The following MORC1 variants were observed in gnomAD, a reference collection of about 807,000 sequenced individuals.
MORC1 encodes the protein MORC family CW-type zinc finger protein 1.
In MORC1, 59 loss-of-function variants were observed where a neutral mutation model predicts 134.9. That is an observed-to-expected ratio of 0.44 (90% CI 0.35 to 0.54). The LOEUF (loss-of-function observed/expected upper bound fraction) is 0.54, where lower values mean the gene tolerates loss of function less well. MORC1 is among the 20% of genes least tolerant of loss of function. MORC1 has a pLI of 0.00. For missense variants in MORC1, 947 were observed against 1,134.5 expected, an observed-to-expected ratio of 0.83 and a Z score of 2.37; for synonymous variants, 395 against 391.7, an observed-to-expected ratio of 1.01 and a Z score of -0.10.
intron 21 of MORC1, 133 bp downstream of exon 21, chr3:109,000,424 G>A: frequency 1.6e-6 from 1 of 639,828 alleles, no homozygotes; most frequent in Non-Finnish European, 2.5e-6. Context: ...AAACTTTTCT[G>A]AGTCTTATTT....
Position 109,057,368 on chromosome 3 carries a change from C to G in MORC1, c.1150G>C (p.Gly384Arg). 2 of 1,610,024 alleles carry G rather than the reference C, an allele frequency of 1.2e-6. No homozygotes were observed. Among genetic ancestry groups the G allele is most frequent in the Non-Finnish European group, 1.7e-6 (2 of 1,178,360 alleles). ...NRLIKMHEKV[G>R]SQLKLKSLLG... ...AAGGACTTCAGTTTCAACTGTGAGC[C>G]CACTTTTTCATGCATTTTGATCAAA... The change falls in exon 13 of 28, where the codon GGC becomes CGC. Residue 384 changes from glycine (G) to arginine (R), a missense_variant. Transcript: ENST00000232603.
intron 8 of MORC1, among the ~76,000 whole-genome samples, chr3:109,093,197 T>C (rs1293996034): frequency 6.6e-6 from 1 of 152,156 alleles, no homozygotes; most frequent in East Asian, 1.9e-4. Flanking sequence ...ATCTGGACAT[T>C]CTGACTCAGC....
intron 14 of MORC1, among the ~76,000 whole-genome samples, chr3:109,038,487 G>A (rs1345476867): frequency 2.6e-5 from 4 of 152,014 alleles, no homozygotes; most frequent in Non-Finnish European, 5.9e-5. Flanking sequence ...ATTGCTTTTT[G>A]TGTTTTAGTC....
chr3:108,990,944 C>T (rs1453394685), intron 21 of MORC1, among the ~76,000 whole-genome samples: 2 of 150,770 alleles, frequency 1.3e-5, no homozygotes, highest in African/African-American at 4.9e-5. Flanking sequence ...TATTATTTTT[C>T]TTCACAGAAT....
intron 14 of MORC1, among the ~76,000 whole-genome samples, chr3:109,044,157 A>T (rs1193919997): frequency 6.6e-6 from 1 of 152,220 alleles, no homozygotes; most frequent in Non-Finnish European, 1.5e-5. Context: ...AGTATCTGTG[A>T]GAAAAAAACT....
intron 8 of MORC1, among the ~76,000 whole-genome samples, chr3:109,078,430 A>G (rs1348386351): frequency 6.6e-6 from 1 of 152,062 alleles, no homozygotes; most frequent in Admixed American, 6.5e-5. Flanking sequence ...AGTAGATTTA[A>G]AACATTTTTA....
rs562519333 is a variant in MORC1 at position 108,984,095 on chromosome 3, C to T, written c.2324+621G>A. Among the ~76,000 whole-genome samples the T allele has an allele frequency of 2.0e-5, 3 of 152,058 alleles. No individual in the cohort carries two copies. The South Asian group carries it at 6.2e-4, about 32-fold the overall frequency. ...TGTCAGCAAGTGCAGGAAAATAGCC[C>T]CTCTCTGTTTTTTCTTGCTCTTAAT... On this transcript the variant is annotated intron_variant, in intron 23 of 27. Coordinates refer to ENST00000232603, the MANE Select transcript of MORC1 (RefSeq NM_014429.4).
intron 21 of MORC1, among the ~76,000 whole-genome samples, chr3:109,000,005 G>C (rs1324658777): frequency 1.3e-5 from 2 of 152,114 alleles, no homozygotes; most frequent in African/African-American, 4.8e-5. Context: ...ACTTGGTTCA[G>C]TGAAGGCAAA....
At chr3:109,091,359 G>C (rs1037459373) in intron 8 of MORC1, among the ~76,000 whole-genome samples, 1 of 151,716 alleles carries the variant, frequency 6.6e-6, no homozygotes, top group African/African-American at 2.4e-5. Context: ...GATGAGAATC[G>C]CTTGAACCCA....
At chr3:109,015,217 A>C (rs1304918085) in intron 17 of MORC1, among the ~76,000 whole-genome samples, 2 of 152,152 alleles carry the variant, frequency 1.3e-5, no homozygotes, top group Non-Finnish European at 2.9e-5. Flanking sequence ...TACAGAAGCA[A>C]GAACAGACAT....
intron 19 of MORC1, 85 bp from the exon 20 acceptor site, chr3:109,004,973 TA>T: frequency 6.4e-7 from 1 of 1,571,574 alleles, no homozygotes; most frequent in Non-Finnish European, 8.6e-7. Context: ...ATTTTATAAT[TA>T]AAGTGTCTTA....
chr3:109,008,245 G>A (rs1001086014), intron 17 of MORC1, among the ~76,000 whole-genome samples: 3 of 151,954 alleles, frequency 2.0e-5, no homozygotes, highest in African/African-American at 7.3e-5. Flanking sequence ...TTTCACATTT[G>A]GGTGAATATG....
intron 21 of MORC1, among the ~76,000 whole-genome samples, chr3:108,989,808 T>C (rs1947996583): frequency 6.6e-6 from 1 of 152,158 alleles, no homozygotes; most frequent in African/African-American, 2.4e-5. Context: ...ATTTATTCAC[T>C]AACATTGGGT....
intron 24 of MORC1, 75 bp from the exon 25 acceptor site, chr3:108,971,477 T>C: frequency 1.5e-6 from 2 of 1,311,218 alleles, no homozygotes; most frequent in Non-Finnish European, 2.2e-6. Flanking sequence ...AGAACTGGGT[T>C]TGTCTCCTGG....
At chr3:109,055,439 C>A (rs1949936594) in intron 13 of MORC1, among the ~76,000 whole-genome samples, 1 of 152,198 alleles carries the variant, frequency 6.6e-6, no homozygotes, top group Non-Finnish European at 1.5e-5. Context: ...GCCTTTAGGG[C>A]TCCCCACTGC....
At chr3:108,974,329 C>G (rs912056423) in intron 24 of MORC1, among the ~76,000 whole-genome samples, 1 of 152,296 alleles carries the variant, frequency 6.6e-6, no homozygotes, top group Admixed American at 6.5e-5. Context: ...AAATCACATA[C>G]GTAGGGTCTG....
In MORC1 at chr3:108,979,426, A is replaced by C. The variant is rs1247843417; in HGVS notation, c.2477+89T>G. 4.3e-6 allele frequency: 6 copies of C among 1,392,780 alleles called. No individual in the cohort carries two copies. The Admixed American group carries it at 7.5e-5, about 17-fold the overall frequency. 86.3% of individuals were successfully genotyped at this position (1,392,780 alleles called of 1,614,324 possible). A position where few individuals can be genotyped will look rare whatever the true frequency, so the allele number is the denominator to read the frequency against. On this transcript the variant is annotated intron_variant, in intron 24 of 27. Coordinates refer to ENST00000232603, the MANE Select transcript of MORC1 (RefSeq NM_014429.4). ...CACTCTACTGAATTTATTCAGTATC[A>C]TTAAAACTCAGTAGGGAAAACAACA... is the stretch of plus-strand genomic sequence containing the variant.
chr3:109,032,899 A>G (rs1949272426), intron 15 of MORC1, 74 bp from the exon 16 acceptor site: 2 of 966,754 alleles, frequency 2.1e-6, no homozygotes, highest in East Asian at 2.4e-5. Context: ...CAGTTTGCAC[A>G]TATCAAAAGT....
intron 17 of MORC1, among the ~76,000 whole-genome samples, chr3:109,022,308 G>A (rs548448882): frequency 2.2e-4 from 34 of 152,258 alleles, no homozygotes; most frequent in Admixed American, 9.8e-4. Flanking sequence ...GTTCTACATG[G>A]AAAAATGCAT....
Sources: gnomAD v4.1 joint callset for allele counts (sites outside exome capture counted in the v4.1 genomes callset) on GRCh38, gnomAD v4.1.1 for gene constraint, MANE v1.5 for transcripts, NCBI Gene and HGNC (gene_info 2026-07-23, HGNC 2026-07-21) for gene names.